The following MOK variants were observed in gnomAD, a reference collection of about 807,000 sequenced individuals.
MOK encodes MOK protein kinase.
Under a neutral mutation model 54.2 loss-of-function variants are expected in MOK, and 59 were observed. The ratio of observed to expected loss-of-function variants is 1.09; its 90% CI spans 0.88 to 1.35. The LOEUF is 1.35. Ranked by LOEUF, MOK falls within the 40% of genes most tolerant of loss-of-function variation. The pLI is 0.00. For synonymous variants in MOK, 210 were observed against 202.7 expected (o/e 1.04, Z -0.31); for missense variants, 517 against 526.2 (o/e 0.98, Z 0.17).
chr14:102,259,745 A>G (rs1429756182), intron 4 of MOK, among the ~76,000 whole-genome samples: 2 of 152,150 alleles, frequency 1.3e-5, no homozygotes, highest in Non-Finnish European at 2.9e-5. Flanking sequence ...GTTTCAAATG[A>G]GGATAATAAC....
Position 102,232,413 on chromosome 14 carries a change from A to G in MOK, c.866+122T>C. On this transcript the variant is annotated intron_variant, in intron 9 of 11. Coordinates refer to ENST00000361847, the MANE Select transcript of MOK (RefSeq NM_014226.3). This position sits in a 1 kb window ranked among gnomAD's most constrained non-coding sequence, Gnocchi z 5.1. ...AGAGGCCCTGACCACTCTTCAGGAT[A>G]GAGAGCGCGATTCCCAAGAACCAGG... is the stretch of plus-strand genomic sequence containing the variant. 5.0e-6 allele frequency: 6 copies of G among 1,190,860 alleles called. No individual in the cohort carries two copies. The highest frequency in any genetic ancestry group is 3.5e-6 in the Non-Finnish European group (3 of 850,766). 73.8% of individuals were successfully genotyped at this position (1,190,860 alleles called of 1,614,324 possible).
Position 102,278,373 on chromosome 14 carries a change from C to A in MOK, c.122+5105G>T, listed in dbSNP as rs1470354974. Among the ~76,000 whole-genome samples, 17 of 142,490 alleles carry A rather than the reference C, an allele frequency of 1.2e-4. 1 individual carries two copies. The highest frequency in any genetic ancestry group is 1.0e-3 in the Admixed American group (15 of 14,418). 93.5% of individuals were successfully genotyped at this position (142,490 alleles called of 152,430 possible). ...TATGCTTGAGGTTTTTCATATTATA[C>A]TTTTAAGTAAAAAAAAAAAAAAAGG... On this transcript the variant is annotated intron_variant, in intron 2 of 11. Coordinates refer to ENST00000361847, the MANE Select transcript of MOK (RefSeq NM_014226.3).
chr14:102,219,062 C>G, the MOK span, among the ~76,000 whole-genome samples: 1 of 152,206 alleles, frequency 6.6e-6, no homozygotes, highest in Admixed American at 6.5e-5. Flanking sequence ...GAGTTTGACA[C>G]GGATGACCAT....
chr14:102,255,651 G>C (rs146226895), intron 4 of MOK, among the ~76,000 whole-genome samples: 1 of 152,316 alleles, frequency 6.6e-6, no homozygotes, highest in African/African-American at 2.4e-5. Flanking sequence ...GCACTGCCTA[G>C]CCACTCTCCA....
Position 102,253,203 on chromosome 14 carries a change from G to T in MOK, c.284-1208C>A, listed in dbSNP as rs568628586. 5.9e-5 allele frequency among the ~76,000 whole-genome samples: 9 copies of T among 152,312 alleles called. No individual in the cohort carries two copies. In the East Asian group the frequency reaches 1.7e-3, roughly 29 times the overall value. ...CCTTTTTAGTGGAAATGTAGTAATT[G>T]TACCTACTAATGGGACCCAGAGAGT... On this transcript the variant is annotated intron_variant, in intron 4 of 11. Transcript: ENST00000361847.
chr14:102,217,481 A>G, the MOK span, among the ~76,000 whole-genome samples: 3 of 152,112 alleles, frequency 2.0e-5, no homozygotes, highest in East Asian at 3.9e-4. Context: ...GTGGCCCCTC[A>G]CTGTCACCTG....
chr14:102,304,548 G>T (rs1177173986), intron 1 of MOK, among the ~76,000 whole-genome samples: 1 of 152,186 alleles, frequency 6.6e-6, no homozygotes, highest in African/African-American at 2.4e-5. Context: ...GAAAAGGCAG[G>T]GAGCCACGCT....
chr14:102,274,987 AAAG>A (rs1223161804), intron 2 of MOK, among the ~76,000 whole-genome samples: 250 of 151,968 alleles, frequency 1.6e-3, no homozygotes, highest in African/African-American at 5.7e-3. Context: ...AAAAAAAAAA[AAAG>A]AAGAAGAAAG....
At chr14:102,270,424 ACT>A (rs1196477366) in intron 2 of MOK, among the ~76,000 whole-genome samples, 1 of 152,094 alleles carries the variant, frequency 6.6e-6, no homozygotes, top group East Asian at 1.9e-4. Context: ...ACACAGTGAA[ACT>A]CTGTCTCCAC....
intron 7 of MOK, among the ~76,000 whole-genome samples, chr14:102,237,092 C>T (rs761989947): frequency 3.3e-4 from 50 of 152,188 alleles, no homozygotes; most frequent in African/African-American, 1.1e-3. Context: ...TCACCTGGAC[C>T]GACCTTGACA....
In MOK at chr14:102,263,968, C is replaced by G. The variant is rs913251474; in HGVS notation, c.213-352G>C. On this transcript the variant is annotated intron_variant, in intron 3 of 11. Transcript: ENST00000361847. ...TGGTGGCTCACGCCTGTAATCCCAACACTTTGGGAGCCCGAGGTGGTCGAT... is the reference window on the plus strand; with the variant it reads ...TGGTGGCTCACGCCTGTAATCCCAAGACTTTGGGAGCCCGAGGTGGTCGAT... The G allele has an allele frequency of 3.2e-5, 6 of 188,194 alleles. 1 individual carries two copies. In the East Asian group the frequency reaches 8.2e-4, roughly 26 times the overall value. 11.7% of individuals were successfully genotyped at this position (188,194 alleles called of 1,614,324 possible).
In MOK at chr14:102,232,901, G is replaced by C. The variant is rs1395619717; in HGVS notation, c.693-193C>G. The C allele has an allele frequency of 2.1e-6, 1 of 480,574 alleles. No homozygotes were observed. 29.8% of individuals were successfully genotyped at this position (480,574 alleles called of 1,614,324 possible). A position where few individuals can be genotyped will look rare whatever the true frequency, so the allele number is the denominator to read the frequency against. On this transcript the variant is annotated intron_variant, in intron 8 of 11. Transcript: ENST00000361847. This position sits in a 1 kb window ranked among gnomAD's most constrained non-coding sequence, Gnocchi z 5.1. ...AATGATGGGCTCTGTGTAGTAATGA[G>C]ATATCCACGGTTCATCGACCATAAT...
intron 6 of MOK, chr14:102,251,434 T>G (rs1597368781): frequency 2.3e-6 from 1 of 434,910 alleles, no homozygotes; most frequent in South Asian, 2.0e-5. Context: ...GGCTTGGGAG[T>G]GAGACGGACC....
At chr14:102,287,820 A>ATTTTTTTT (rs71116893) in intron 1 of MOK, among the ~76,000 whole-genome samples, 1 of 117,928 alleles carries the variant, frequency 8.5e-6, no homozygotes, top group African/African-American at 3.5e-5. Flanking sequence ...GTTCTTTGAG[A>ATTTTTTTT]TTTTTTTTTT....
the MOK span, among the ~76,000 whole-genome samples, chr14:102,215,920 C>G: frequency 3.9e-5 from 6 of 152,212 alleles, no homozygotes; most frequent in East Asian, 1.9e-4. Flanking sequence ...GGCCTACCCC[C>G]CTGCCTGAGG....
chr14:102,214,933 T>C, the MOK span: 1 of 985,108 alleles, frequency 1.0e-6, no homozygotes, highest in Non-Finnish European at 1.2e-6. Context: ...ACTACATACT[T>C]GATATTCTGA....
In MOK at chr14:102,236,078, G is replaced by A. The variant is rs2065196836; in HGVS notation, c.591-2289C>T. On this transcript the variant is annotated intron_variant, in intron 7 of 11. Coordinates refer to ENST00000361847, the MANE Select transcript of MOK (RefSeq NM_014226.3). This position sits in a 1 kb window ranked among gnomAD's most constrained non-coding sequence, Gnocchi z 4.5. ...GAGTGCCAAAGAGTCCTTGTCCAGT[G>A]TGCCAGCAGACAGGCCACTGGAAGT... Among the ~76,000 whole-genome samples, 2 of 152,204 alleles carry A rather than the reference G, an allele frequency of 1.3e-5. No homozygotes were observed.
chr14:102,231,851 C>T lies in MOK; in HGVS notation c.867-30G>A. ...GGGGAAGGAGAAGAGAATGGAGCAG[C>T]TCCACTGAGAGCCCGCAGAGCACAC... On this transcript the variant is annotated intron_variant, in intron 9 of 11. Coordinates refer to ENST00000361847, the MANE Select transcript of MOK (RefSeq NM_014226.3). The surrounding 1 kb of genome is among the most constrained non-coding windows in gnomAD (Gnocchi z 4.4). The T allele has an allele frequency of 6.3e-7, 1 of 1,587,166 alleles. No individual in the cohort carries two copies. Among genetic ancestry groups the T allele is most frequent in the Non-Finnish European group, 8.6e-7 (1 of 1,157,826 alleles).
At chr14:102,297,334 G>T (rs908970291) in intron 1 of MOK, among the ~76,000 whole-genome samples, 1 of 152,168 alleles carries the variant, frequency 6.6e-6, no homozygotes, top group Non-Finnish European at 1.5e-5. Context: ...CTCCAGCCTG[G>T]TCCACACTGC....
Sources: allele counts gnomAD v4.1 joint callset (sites outside exome capture counted in the v4.1 genomes callset), GRCh38; gene constraint gnomAD v4.1.1; non-coding constraint Gnocchi (gnomAD v3.1); transcripts MANE v1.5; gene names NCBI Gene and HGNC (gene_info 2026-07-23, HGNC 2026-07-21).